Variants in KIAA0232 observed in about 807,000 individuals in gnomAD.
KIAA0232 encodes the protein uncharacterized protein KIAA0232.
KIAA0232 carries 27 observed loss-of-function variants against 122.0 expected under a neutral mutation model. The observed-to-expected ratio is 0.22, with a 90% CI of 0.16 to 0.31. KIAA0232 has a LOEUF of 0.31. Among genes scored for constraint, KIAA0232 ranks in the 10% least tolerant of loss-of-function variants. The pLI, the probability that KIAA0232 is intolerant of heterozygous loss-of-function variation, is 1.00. For missense variants in KIAA0232, 1,551 were observed against 1,634.2 expected, an observed-to-expected ratio of 0.95 and a Z score of 0.88; for synonymous variants, 613 against 587.6, an observed-to-expected ratio of 1.04 and a Z score of -0.63.
At chr4:6,793,881 T>C (rs1717015548) in intron 1 of KIAA0232, among the ~76,000 whole-genome samples, 1 of 152,228 alleles carries the variant, frequency 6.6e-6, no homozygotes, top group African/African-American at 2.4e-5. Context: ...AAAACTTCCC[T>C]GTGGTCACAG....
In KIAA0232 at chr4:6,883,209, C is replaced by G. The variant is rs1277913541; in HGVS notation, c.*2243C>G. On this transcript the variant is annotated 3_prime_UTR_variant, in exon 10 of 10. Coordinates refer to ENST00000307659, the MANE Select transcript of KIAA0232 (RefSeq NM_014743.3). ...CGCTGAAACGCACTGTGGTATGAAGCGCATTGCATTTCCATAGCACTGAAG... is the reference window on the plus strand; with the variant it reads ...CGCTGAAACGCACTGTGGTATGAAGGGCATTGCATTTCCATAGCACTGAAG... 1 of 152,600 alleles carries G rather than the reference C, an allele frequency of 6.6e-6. No individual in the cohort carries two copies. The highest frequency in any genetic ancestry group is 2.1e-4 in the South Asian group (1 of 4,828). 9.5% of individuals were successfully genotyped at this position (152,600 alleles called of 1,614,324 possible).
intron 1 of KIAA0232, among the ~76,000 whole-genome samples, chr4:6,783,408 G>A (rs558346882): frequency 1.3e-5 from 2 of 152,342 alleles, no homozygotes; most frequent in Middle Eastern, 3.4e-3. Context: ...GCTCTTCTAG[G>A]GGAGACGAGG....
At chr4:6,848,719 G>A (rs970049634) in intron 4 of KIAA0232, among the ~76,000 whole-genome samples, 6 of 152,110 alleles carry the variant, frequency 3.9e-5, no homozygotes, top group African/African-American at 1.4e-4. Context: ...ACCTTTTCTG[G>A]GTAATACTAA....
chr4:6,863,632 G>T lies in KIAA0232; in HGVS notation c.3250G>T (p.Val1084Leu), dbSNP rs1346150980. ...SILCSDSDSEVFHPRICGVDR... is the reference protein window; with the variant it reads ...SILCSDSDSELFHPRICGVDR... ...CCTCTGTTCTGATTCAGACAGTGAA[G>T]TGTTTCACCCCAGGATATGTGGTGT... Residue 1084 changes from valine to leucine, a missense_variant, in exon 7 of 10, where the codon GTG becomes TTG. Transcript: ENST00000307659. 3.1e-6 allele frequency: 5 copies of T among 1,614,194 alleles called. No individual in the cohort carries two copies. The highest frequency in any genetic ancestry group is 2.2e-5 in the South Asian group (2 of 91,088).
intron 1 of KIAA0232, among the ~76,000 whole-genome samples, chr4:6,803,477 T>A (rs1717480154): frequency 1.3e-5 from 2 of 152,116 alleles, no homozygotes; most frequent in Admixed American, 1.3e-4. Flanking sequence ...GTTGGAAGAT[T>A]CCAGTAGTTA....
intron 4 of KIAA0232, 73 bp downstream of exon 4, chr4:6,842,277 C>G: frequency 1.4e-6 from 2 of 1,453,852 alleles, no homozygotes; most frequent in South Asian, 2.5e-5. Flanking sequence ...AATATGACAA[C>G]TTGACCTCCA....
chr4:6,837,590 C>G (rs974889680), intron 3 of KIAA0232, among the ~76,000 whole-genome samples: 1 of 152,148 alleles, frequency 6.6e-6, no homozygotes, highest in East Asian at 1.9e-4. Flanking sequence ...TGTAGCGAGC[C>G]GAGATCACGC....
chr4:6,832,844 G>C (rs1355809885), intron 3 of KIAA0232, among the ~76,000 whole-genome samples: 7 of 152,190 alleles, frequency 4.6e-5, no homozygotes. Context: ...ACTGGGGCCT[G>C]CCCTGCAGAG....
intron 5 of KIAA0232, among the ~76,000 whole-genome samples, chr4:6,857,625 C>A (rs1447993128): frequency 6.6e-6 from 1 of 152,166 alleles, no homozygotes; most frequent in South Asian, 2.1e-4. Context: ...GATGTTAAGA[C>A]TGCTAAATTA....
chr4:6,793,789 T>C (rs1015319307), intron 1 of KIAA0232, among the ~76,000 whole-genome samples: 5 of 152,178 alleles, frequency 3.3e-5, no homozygotes, highest in South Asian at 2.1e-4. Flanking sequence ...AACCATTTAA[T>C]GTAAGCCTCC....
At chr4:6,788,300 G>A (rs1283284510) in intron 1 of KIAA0232, among the ~76,000 whole-genome samples, 1 of 152,122 alleles carries the variant, frequency 6.6e-6, no homozygotes, top group Non-Finnish European at 1.5e-5. Flanking sequence ...TTATAAGCAC[G>A]AGCCACCACG....
chr4:6,794,363 A>G (rs549971151), intron 1 of KIAA0232, among the ~76,000 whole-genome samples: 77 of 152,342 alleles, frequency 5.1e-4, no homozygotes, highest in African/African-American at 1.8e-3. Flanking sequence ...GGTTCTGAAC[A>G]TGTAGCAACT....
intron 3 of KIAA0232, among the ~76,000 whole-genome samples, chr4:6,841,094 T>C (rs1451269426): frequency 2.0e-5 from 3 of 152,226 alleles, no homozygotes; most frequent in Admixed American, 1.3e-4. Flanking sequence ...GATGTGATGT[T>C]TCTTAATTCA....
At chr4:6,876,473 G>GT (rs944283063) in intron 8 of KIAA0232, among the ~76,000 whole-genome samples, 187 bp from the exon 9 acceptor site, 1 of 151,810 alleles carries the variant, frequency 6.6e-6, no homozygotes, top group Admixed American at 6.6e-5. Flanking sequence ...TCAGCATAGC[G>GT]TTTTTTTTCT....
rs1372929154 is a variant in KIAA0232, at chr4:6,783,678, TGGCGCGGGGCGC to T, written c.-354+847_-354+858del. Among the ~76,000 whole-genome samples the T allele has an allele frequency of 1.2e-4, 17 of 146,536 alleles. 1 individual carries two copies. The highest frequency in any genetic ancestry group is 8.1e-4 in the East Asian group (4 of 4,922). ...GCTGAGCGACTGGCGCGCCGGCCTA[TGGCGCGGGGCGC>T]GGCGCGGGGGGCGGGCCTGGCGGGC... On this transcript the variant is annotated intron_variant, in intron 1 of 9. Coordinates refer to ENST00000307659, the MANE Select transcript of KIAA0232 (RefSeq NM_014743.3).
intron 1 of KIAA0232, among the ~76,000 whole-genome samples, chr4:6,788,166 G>C (rs1033150005): frequency 6.6e-6 from 1 of 152,082 alleles, no homozygotes; most frequent in Non-Finnish European, 1.5e-5. Flanking sequence ...GAGTAGCTGG[G>C]ACTACAGGCA....
At position 6,874,955 on chromosome 4, in the gene KIAA0232, G is replaced by A. The variant is rs114342451; in HGVS notation, c.3911-1705G>A. On this transcript the variant is annotated intron_variant, in intron 8 of 9. Coordinates refer to ENST00000307659, the MANE Select transcript of KIAA0232 (RefSeq NM_014743.3). ...AAGAGAAAATGAAGGAGTGGGGTGT[G>A]GAGATGGGCCTGCCTGCCTCTGAGC... 8.1e-3 allele frequency among the ~76,000 whole-genome samples: 1,227 copies of A among 152,328 alleles called. 20 individuals are homozygous for A. The highest frequency in any genetic ancestry group is 0.028 in the African/African-American group (1,171 of 41,574).
At chr4:6,873,172 C>T (rs1356915810) in intron 8 of KIAA0232, among the ~76,000 whole-genome samples, 4 of 152,166 alleles carry the variant, frequency 2.6e-5, no homozygotes, top group East Asian at 1.9e-4. Flanking sequence ...AGATGCCCCC[C>T]GCTAGTTTTC....
At chr4:6,833,155 G>A (rs1577381820) in intron 3 of KIAA0232, among the ~76,000 whole-genome samples, 1 of 152,138 alleles carries the variant, frequency 6.6e-6, no homozygotes, top group South Asian at 2.1e-4. Context: ...TTTAACAATA[G>A]GAACTGTAAA....
Sources: gnomAD v4.1 joint callset for allele counts (sites outside exome capture counted in the v4.1 genomes callset) on GRCh38, gnomAD v4.1.1 for gene constraint, MANE v1.5 for transcripts, NCBI Gene and HGNC (gene_info 2026-07-23, HGNC 2026-07-21) for gene names.